MARCHF3: variants seen among roughly 807,000 people sequenced by gnomAD.
The protein encoded by MARCHF3 is membrane associated ring-CH-type finger 3.
MARCHF3 carries 13 observed loss-of-function variants against 24.2 expected under a neutral mutation model. That is an observed-to-expected ratio of 0.54 (90% CI 0.35 to 0.85). The LOEUF (loss-of-function observed/expected upper bound fraction) is 0.85, where lower values mean the gene tolerates loss of function less well. Among genes scored for constraint, MARCHF3 ranks in the 40% least tolerant of loss-of-function variants. The pLI is 0.01. For missense variants in MARCHF3, 276 were observed against 325.0 expected, an observed-to-expected ratio of 0.85 and a Z score of 1.16; for synonymous variants, 144 against 137.3, an observed-to-expected ratio of 1.05 and a Z score of -0.34.
chr5:126,878,166 A>C lies in MARCHF3; in HGVS notation c.603+19T>G. 6.2e-7 allele frequency: 1 copy of C among 1,611,716 alleles called. No individual in the cohort carries two copies. Among genetic ancestry groups the C allele is most frequent in the Non-Finnish European group, 8.5e-7 (1 of 1,177,936 alleles). ...GCCAGCTCCAAATGGCCTGAACCCC[A>C]GCCACGGCCCATACTTACTAGTGTC... On this transcript the variant is annotated intron_variant, in intron 4 of 4. Transcript: ENST00000308660.
intron 1 of MARCHF3, among the ~76,000 whole-genome samples, chr5:126,942,271 T>C (rs746240674): frequency 2.0e-5 from 3 of 152,214 alleles, no homozygotes; most frequent in African/African-American, 4.8e-5. Flanking sequence ...AAGGGCCAGA[T>C]AGTAAATATT....
At chr5:127,027,501 C>G (rs1753039654) in intron 1 of MARCHF3, among the ~76,000 whole-genome samples, 1 of 152,138 alleles carries the variant, frequency 6.6e-6, no homozygotes, top group African/African-American at 2.4e-5. Flanking sequence ...GGCAAAGTCA[C>G]CCCAGAGCAT....
chr5:126,989,395 C>T (rs185600688), intron 1 of MARCHF3, among the ~76,000 whole-genome samples: 1 of 151,876 alleles, frequency 6.6e-6, no homozygotes, highest in Non-Finnish European at 1.5e-5. Context: ...GGTTTAGAGG[C>T]TAAAGCAGTA....
chr5:126,948,746 A>T (rs1239976761), intron 1 of MARCHF3, among the ~76,000 whole-genome samples: 1 of 152,222 alleles, frequency 6.6e-6, no homozygotes, highest in Non-Finnish European at 1.5e-5. Flanking sequence ...GTGTACAAAG[A>T]GGATACAAGA....
chr5:126,935,074 G>T (rs1749599118), intron 1 of MARCHF3, among the ~76,000 whole-genome samples: 1 of 152,198 alleles, frequency 6.6e-6, no homozygotes, highest in African/African-American at 2.4e-5. Context: ...GTAGCTGTTG[G>T]TTGGGATAGA....
At chr5:126,992,529 T>C (rs1214019352) in intron 1 of MARCHF3, among the ~76,000 whole-genome samples, 1 of 152,204 alleles carries the variant, frequency 6.6e-6, no homozygotes, top group Non-Finnish European at 1.5e-5. Context: ...CCGTTGAGTT[T>C]TGTGCCCGTG....
intron 3 of MARCHF3, among the ~76,000 whole-genome samples, chr5:126,887,389 G>A (rs1372185493): frequency 1.3e-5 from 2 of 152,098 alleles, no homozygotes; most frequent in African/African-American, 2.4e-5. Context: ...CAGATATTTC[G>A]TATCCCATTA....
chr5:126,922,511 C>T (rs369766009), intron 1 of MARCHF3, among the ~76,000 whole-genome samples: 1 of 112,260 alleles, frequency 8.9e-6, no homozygotes, highest in East Asian at 3.1e-4. Flanking sequence ...TCATTTCTGT[C>T]TTTTATTTAT....
At chr5:126,885,498 C>T (rs1419712195) in intron 3 of MARCHF3, among the ~76,000 whole-genome samples, 2 of 151,880 alleles carry the variant, frequency 1.3e-5, no homozygotes, top group South Asian at 2.1e-4. Flanking sequence ...ACCCAGGAGG[C>T]GGAGGTTGCA....
At chr5:126,966,077 G>C (rs1253202362) in intron 1 of MARCHF3, among the ~76,000 whole-genome samples, 1 of 152,164 alleles carries the variant, frequency 6.6e-6, no homozygotes, top group Non-Finnish European at 1.5e-5. Context: ...ACATAAAGAA[G>C]CTGGACACAA....
At chr5:126,895,964 A>T (rs1176518457) in intron 3 of MARCHF3, among the ~76,000 whole-genome samples, 1 of 152,120 alleles carries the variant, frequency 6.6e-6, no homozygotes, top group Non-Finnish European at 1.5e-5. Context: ...AATCAGCGAG[A>T]ATCCGTGGGT....
chr5:126,897,913 A>G (rs1394728983), intron 3 of MARCHF3, among the ~76,000 whole-genome samples: 1 of 152,114 alleles, frequency 6.6e-6, no homozygotes, highest in Non-Finnish European at 1.5e-5. Flanking sequence ...GAGCTTGCAA[A>G]CATTATGCTA....
chr5:126,955,313 T>C (rs1457911325), intron 1 of MARCHF3, among the ~76,000 whole-genome samples: 1 of 152,250 alleles, frequency 6.6e-6, no homozygotes, highest in Non-Finnish European at 1.5e-5. Flanking sequence ...GTGAACATCC[T>C]TGTACAGGGC....
chr5:126,921,531 ACAG>A (rs1193421128), intron 1 of MARCHF3, among the ~76,000 whole-genome samples: 1 of 152,206 alleles, frequency 6.6e-6, no homozygotes, highest in Non-Finnish European at 1.5e-5. Flanking sequence ...ACCTGGGAAA[ACAG>A]CAGGCTGTTG....
At chr5:126,907,868 G>A (rs1754359527) in intron 3 of MARCHF3, among the ~76,000 whole-genome samples, 1 of 151,304 alleles carries the variant, frequency 6.6e-6, no homozygotes, top group East Asian at 1.9e-4. Context: ...TCATTATGAT[G>A]TTAGCTGATT....
intron 1 of MARCHF3, among the ~76,000 whole-genome samples, chr5:126,969,803 A>C (rs2126828171): frequency 6.6e-6 from 1 of 152,304 alleles, no homozygotes; most frequent in South Asian, 2.1e-4. Context: ...GGGTGGGGCC[A>C]TTAATTTGCA....
intron 1 of MARCHF3, among the ~76,000 whole-genome samples, chr5:126,949,973 C>T (rs1191481799): frequency 6.6e-6 from 1 of 152,038 alleles, no homozygotes; most frequent in African/African-American, 2.4e-5. Context: ...ATCATGTGTC[C>T]CACTTTCTGT....
intron 1 of MARCHF3, among the ~76,000 whole-genome samples, chr5:126,980,571 A>G (rs1020222305): frequency 1.3e-5 from 2 of 152,096 alleles, no homozygotes; most frequent in Middle Eastern, 3.2e-3. Flanking sequence ...GGGTTTCACC[A>G]TATTGGCCAG....
intron 1 of MARCHF3, among the ~76,000 whole-genome samples, chr5:126,926,613 C>T (rs983500224): frequency 3.3e-5 from 5 of 152,092 alleles, no homozygotes; most frequent in African/African-American, 9.7e-5. Context: ...AGTGTTCCTT[C>T]ATGGCCTTTT....
Sources: gnomAD v4.1 joint callset for allele counts (sites outside exome capture counted in the v4.1 genomes callset) on GRCh38, gnomAD v4.1.1 for gene constraint, MANE v1.5 for transcripts, NCBI Gene and HGNC (gene_info 2026-07-23, HGNC 2026-07-21) for gene names.